Variants in ZNF618 observed in about 807,000 individuals in gnomAD.
The protein encoded by ZNF618 is neural precursor cell expressed, developmentally down-regulated 10.
A neutral mutation model predicts 103.0 loss-of-function variants in ZNF618; 34 were observed. That is an observed-to-expected ratio of 0.33 (90% confidence interval 0.25 to 0.44). The LOEUF (loss-of-function observed/expected upper bound fraction) is 0.44, where lower values mean the gene tolerates loss of function less well. ZNF618 is among the 20% of genes least tolerant of loss of function. The pLI is 1.00. For missense variants in ZNF618, 1,059 were observed against 1,295.4 expected (o/e 0.82, Z 2.80); for synonymous variants, 551 against 542.2 (o/e 1.02, Z -0.23).
At chr9:113,994,649 G>T (rs2133441125) in intron 3 of ZNF618, among the ~76,000 whole-genome samples, 1 of 152,338 alleles carries the variant, frequency 6.6e-6, no homozygotes, top group South Asian at 2.1e-4. Flanking sequence ...GTTGGGGGCA[G>T]AGTGACGTAA....
In ZNF618 at chr9:113,876,411, C is replaced by T; in HGVS notation, c.31C>T (p.Gln11Ter). MNQPGGAAAP[Q>*]ADGASAAGRK... Reference sequence around the variant, plus strand: ...CCAGCCGGGCGGCGCGGCGGCTCCGCAGGTACGACGGGGGGCCGGGGGCAT... The same window carrying T: ...CCAGCCGGGCGGCGCGGCGGCTCCGTAGGTACGACGGGGGGCCGGGGGCAT... Residue 11 changes from glutamine (Q) to a stop codon, truncating the protein, a stop_gained and splice_region_variant, in exon 1 of 15, where the codon CAG becomes TAG. Coordinates refer to ENST00000374126, the MANE Select transcript of ZNF618 (RefSeq NM_001318042.2). LOFTEE classifies it high-confidence loss of function. 1 of 1,202,526 alleles carries T rather than the reference C, an allele frequency of 8.3e-7. No individual in the cohort carries two copies. Among genetic ancestry groups the T allele is most frequent in the Non-Finnish European group, 1.0e-6 (1 of 969,382 alleles). The allele number at this position is 1,202,526 out of a possible 1,614,324, so 74.5% of individuals were successfully genotyped here. A position where few individuals can be genotyped will look rare whatever the true frequency, so the allele number is the denominator to read the frequency against.
intron 1 of ZNF618, among the ~76,000 whole-genome samples, chr9:113,879,401 T>TG (rs1828288132): frequency 6.7e-6 from 1 of 148,262 alleles, no homozygotes; most frequent in Non-Finnish European, 1.5e-5. Context: ...TTTTCTGTTT[T>TG]TTTTTTTTTT....
intron 1 of ZNF618, among the ~76,000 whole-genome samples, chr9:113,920,441 G>T (rs1369642592): frequency 6.8e-5 from 10 of 147,854 alleles, no homozygotes; most frequent in Middle Eastern, 7.0e-3. Context: ...TCACTCTGTT[G>T]CCCAGACTGG....
chr9:114,047,734 A>G (rs570458529), intron 13 of ZNF618, among the ~76,000 whole-genome samples, 159 bp from the exon 14 acceptor site: 4 of 152,210 alleles, frequency 2.6e-5, no homozygotes, highest in South Asian at 2.1e-4. Context: ...GAGGCTTTGC[A>G]AGCATAGATA....
chr9:113,984,336 A>G (rs770589999), intron 2 of ZNF618, among the ~76,000 whole-genome samples: 2 of 152,228 alleles, frequency 1.3e-5, no homozygotes, highest in African/African-American at 2.4e-5. Flanking sequence ...TGTCATCATG[A>G]ACCAATGTCA....
At chr9:113,917,125 C>T (rs1171886725) in intron 1 of ZNF618, among the ~76,000 whole-genome samples, 2 of 152,074 alleles carry the variant, frequency 1.3e-5, no homozygotes, top group African/African-American at 4.8e-5. Flanking sequence ...ATTGCAGCCT[C>T]AGGGCCTTTG....
At chr9:114,032,572 G>T in intron 11 of ZNF618, 73 bp from the exon 12 acceptor site, 1 of 1,444,396 alleles carries the variant, frequency 6.9e-7, no homozygotes, top group Non-Finnish European at 9.7e-7. Flanking sequence ...CCTTCACCCA[G>T]CCTACCCCTC....
At chr9:113,998,121 A>T in intron 3 of ZNF618, 138 bp from the exon 4 acceptor site, 1 of 757,912 alleles carries the variant, frequency 1.3e-6, no homozygotes, top group African/African-American at 1.7e-5. Flanking sequence ...CCCCTTGGCC[A>T]GCACAAGGTT....
In ZNF618 at chr9:114,022,947, G is replaced by A. The variant is rs148801967; in HGVS notation, c.845-5786G>A. ...AAATTTCCTTTGTCTGTTACTGTAA[G>A]CCATGACAGCTTTCTTAGGATTAGT... On this transcript the variant is annotated intron_variant, in intron 10 of 14. Transcript: ENST00000374126. Among the ~76,000 whole-genome samples, 267 of 152,114 alleles carry A rather than the reference G, an allele frequency of 1.8e-3. 2 individuals carry two copies. The highest frequency in any genetic ancestry group is 6.1e-3 in the African/African-American group (252 of 41,524).
chr9:113,967,839 G>A (rs1444677402), intron 1 of ZNF618, among the ~76,000 whole-genome samples: 8 of 152,198 alleles, frequency 5.3e-5, no homozygotes, highest in Middle Eastern at 3.2e-3. Context: ...GGAGAGCCAA[G>A]TATGTCAGCT....
chr9:113,982,360 C>T (rs1464906830), intron 2 of ZNF618, among the ~76,000 whole-genome samples: 1 of 152,010 alleles, frequency 6.6e-6, no homozygotes, highest in African/African-American at 2.4e-5. Flanking sequence ...TGGTGGCCAT[C>T]GGCATTCCTC....
chr9:113,899,483 G>C (rs145405474), intron 1 of ZNF618, among the ~76,000 whole-genome samples: 45 of 152,284 alleles, frequency 3.0e-4, no homozygotes, highest in Middle Eastern at 3.4e-3. Flanking sequence ...CAGCAACACC[G>C]TTAGATTCTC....
intron 1 of ZNF618, among the ~76,000 whole-genome samples, chr9:113,888,596 G>A (rs972620905): frequency 6.6e-6 from 1 of 152,268 alleles, no homozygotes; most frequent in Admixed American, 6.5e-5. Flanking sequence ...AGGGCCTGCA[G>A]CATCGCTCAC....
chr9:114,014,203 A>G (rs1842478961), intron 9 of ZNF618, among the ~76,000 whole-genome samples: 1 of 152,228 alleles, frequency 6.6e-6, no homozygotes. Flanking sequence ...GTAAAACCAA[A>G]TCAATTATAG....
chr9:114,040,810 T>C (rs879898550), intron 13 of ZNF618, among the ~76,000 whole-genome samples: 52 of 152,230 alleles, frequency 3.4e-4, no homozygotes, highest in Non-Finnish European at 1.2e-4. Context: ...TGTGTCTTTA[T>C]AGCAGCATGA....
At chr9:113,916,007 A>G (rs1395608140) in intron 1 of ZNF618, among the ~76,000 whole-genome samples, 1 of 152,164 alleles carries the variant, frequency 6.6e-6, no homozygotes, top group Non-Finnish European at 1.5e-5. Flanking sequence ...CAGCAGCTAT[A>G]TAAGGAGATA....
intron 2 of ZNF618, among the ~76,000 whole-genome samples, chr9:113,971,738 C>G (rs557286919): frequency 1.3e-5 from 2 of 152,282 alleles, no homozygotes; most frequent in East Asian, 3.9e-4. Flanking sequence ...TATTATCCCC[C>G]TAAGGCTGTA....
chr9:113,977,167 C>A (rs549563889), intron 2 of ZNF618, among the ~76,000 whole-genome samples: 1 of 152,056 alleles, frequency 6.6e-6, no homozygotes, highest in Non-Finnish European at 1.5e-5. Context: ...AATGCCAGGA[C>A]GGGGACAGCA....
At chr9:114,004,510 C>G (rs1841550810) in intron 6 of ZNF618, among the ~76,000 whole-genome samples, 1 of 152,264 alleles carries the variant, frequency 6.6e-6, no homozygotes, top group Admixed American at 6.5e-5. Flanking sequence ...CCTCAATGAT[C>G]TGTTGTGTTC....
Sources: gnomAD v4.1 joint callset for allele counts (sites outside exome capture counted in the v4.1 genomes callset) on GRCh38, gnomAD v4.1.1 for gene constraint, MANE v1.5 for transcripts, NCBI Gene and HGNC (gene_info 2026-07-23, HGNC 2026-07-21) for gene names.